Variants in COX10 observed in about 807,000 individuals in gnomAD.
The protein encoded by COX10 is cytochrome c oxidase assembly factor heme A:farnesyltransferase COX10, also known as protoheme IX farnesyltransferase, mitochondrial.
A neutral mutation model predicts 37.3 loss-of-function variants in COX10; 27 were observed. The observed-to-expected ratio is 0.72, with a 90% CI of 0.53 to 1.00. The LOEUF (loss-of-function observed/expected upper bound fraction) is 1.00. Ranked by LOEUF, COX10 falls within the 50% of genes least tolerant of loss-of-function variation. The pLI is 0.00. For synonymous variants in COX10, 222 were observed against 229.1 expected, an observed-to-expected ratio of 0.97 and a Z score of 0.28; for missense variants, 475 against 563.2, an observed-to-expected ratio of 0.84 and a Z score of 1.59.
chr17:14,069,669 A>G, intron 1 of COX10, 21 bp downstream of exon 1: 1 of 1,613,972 alleles, frequency 6.2e-7, no homozygotes, highest in Non-Finnish European at 8.5e-7. Flanking sequence ...CGCCTTGGGC[A>G]CGACCTTGGG....
intron 4 of COX10, among the ~76,000 whole-genome samples, chr17:14,103,700 G>A (rs1915834555): frequency 6.6e-6 from 1 of 151,796 alleles, no homozygotes; most frequent in Admixed American, 6.6e-5. Context: ...AATTTATCAT[G>A]AAAAAAACCT....
chr17:14,161,207 T>C (rs1037005640), intron 5 of COX10, among the ~76,000 whole-genome samples: 40 of 152,144 alleles, frequency 2.6e-4, no homozygotes, highest in Non-Finnish European at 8.8e-5. Flanking sequence ...GCCTTAGCTG[T>C]TGTAATTGGC....
chr17:14,153,182 G>T (rs1307011811), intron 4 of COX10, among the ~76,000 whole-genome samples: 1 of 152,106 alleles, frequency 6.6e-6, no homozygotes, highest in African/African-American at 2.4e-5. Flanking sequence ...TCTTTCAGCC[G>T]TACTAAACTT....
chr17:14,148,311 C>T (rs1161522828), intron 4 of COX10, among the ~76,000 whole-genome samples: 1 of 152,158 alleles, frequency 6.6e-6, no homozygotes, highest in Non-Finnish European at 1.5e-5. Context: ...GGTAAGGCAA[C>T]AGAGAATTGG....
At chr17:14,159,320 AGG>A (rs1402346451) in intron 4 of COX10, among the ~76,000 whole-genome samples, 2 of 152,196 alleles carry the variant, frequency 1.3e-5, no homozygotes, top group Non-Finnish European at 2.9e-5. Flanking sequence ...GTTGATTCTC[AGG>A]CTTTGGGTTG....
intron 4 of COX10, among the ~76,000 whole-genome samples, chr17:14,135,651 ATG>A (rs1215677266): frequency 6.6e-6 from 1 of 151,968 alleles, no homozygotes; most frequent in Non-Finnish European, 1.5e-5. Context: ...TGTACTCTAA[ATG>A]TGTATAAAGA....
intron 5 of COX10, among the ~76,000 whole-genome samples, chr17:14,179,591 C>A (rs1484131911): frequency 6.6e-6 from 1 of 152,208 alleles, no homozygotes; most frequent in Non-Finnish European, 1.5e-5. Flanking sequence ...ACAAGAATTT[C>A]TCTGGAAAGT....
chr17:14,119,471 A>G (rs1243563911), intron 4 of COX10, among the ~76,000 whole-genome samples: 3 of 152,196 alleles, frequency 2.0e-5, no homozygotes, highest in Admixed American at 6.5e-5. Flanking sequence ...CAGTGGACCT[A>G]TTGCCTAGTG....
chr17:14,159,110 C>G (rs183190740), intron 4 of COX10, among the ~76,000 whole-genome samples: 2 of 152,114 alleles, frequency 1.3e-5, no homozygotes, highest in East Asian at 1.9e-4. Context: ...ATTGTCCAAG[C>G]TAGGATGCTT....
intron 6 of COX10, among the ~76,000 whole-genome samples, chr17:14,200,233 T>C (rs1022333721): frequency 6.6e-6 from 1 of 152,126 alleles, no homozygotes; most frequent in Non-Finnish European, 1.5e-5. Context: ...TCAGATACCA[T>C]TTAGCTGGAA....
At chr17:14,075,640 A>G (rs1269193156) in intron 2 of COX10, among the ~76,000 whole-genome samples, 1 of 152,200 alleles carries the variant, frequency 6.6e-6, no homozygotes, top group Non-Finnish European at 1.5e-5. Flanking sequence ...TTTTGCTAGT[A>G]AGTGGTAGAG....
intron 3 of COX10, among the ~76,000 whole-genome samples, chr17:14,084,028 C>T (rs1915356010): frequency 6.6e-6 from 1 of 152,104 alleles, no homozygotes; most frequent in African/African-American, 2.4e-5. Flanking sequence ...GAAGTATGAT[C>T]TATCAATGTA....
intron 3 of COX10, among the ~76,000 whole-genome samples, chr17:14,094,702 C>A (rs919168334): frequency 6.6e-6 from 1 of 152,196 alleles, no homozygotes; most frequent in Non-Finnish European, 1.5e-5. Flanking sequence ...TCTCTAAATT[C>A]TTTTAGCACT....
intron 3 of COX10, among the ~76,000 whole-genome samples, chr17:14,087,425 G>A (rs1190050044): frequency 6.6e-6 from 1 of 152,136 alleles, no homozygotes; most frequent in African/African-American, 2.4e-5. Flanking sequence ...CCATGGGGTG[G>A]GGCATTTTGT....
chr17:14,074,847 A>G (rs10521253), intron 2 of COX10, among the ~76,000 whole-genome samples: 10,352 of 152,310 alleles, frequency 0.068, 395 homozygotes, highest in Non-Finnish European at 0.074. Flanking sequence ...TTCTTAAATC[A>G]GCAGTACATT....
intron 6 of COX10, among the ~76,000 whole-genome samples, chr17:14,197,119 C>G (rs1906390216): frequency 6.6e-6 from 1 of 152,152 alleles, no homozygotes; most frequent in African/African-American, 2.4e-5. Flanking sequence ...GGAAATCCTG[C>G]AGCCTCATAT....
intron 4 of COX10, among the ~76,000 whole-genome samples, chr17:14,131,241 C>T (rs972499344): frequency 6.6e-6 from 1 of 152,008 alleles, no homozygotes; most frequent in Admixed American, 6.6e-5. Context: ...TAAGAAAAGC[C>T]AAAAGGAGAT....
intron 4 of COX10, among the ~76,000 whole-genome samples, chr17:14,137,529 T>C (rs185455725): frequency 6.6e-6 from 1 of 151,930 alleles, no homozygotes; most frequent in Admixed American, 6.6e-5. Flanking sequence ...TAAGTGAAAG[T>C]AAATACTTAC....
chr17:14,195,395 T>C (rs547951063), intron 6 of COX10, among the ~76,000 whole-genome samples: 86 of 152,332 alleles, frequency 5.6e-4, no homozygotes, highest in Admixed American at 1.3e-3. Context: ...TAGGCTCAAG[T>C]GGCTATTTAA....
Sources: gnomAD v4.1 joint callset for allele counts (sites outside exome capture counted in the v4.1 genomes callset) on GRCh38, gnomAD v4.1.1 for gene constraint, MANE v1.5 for transcripts, NCBI Gene and HGNC (gene_info 2026-07-23, HGNC 2026-07-21) for gene names.